The following ATP11A variants were observed in gnomAD, a reference collection of about 807,000 sequenced individuals.
ATP11A encodes ATPase phospholipid transporting 11A.
ATP11A carries 81 observed loss-of-function variants against 154.4 expected under a neutral mutation model. The observed-to-expected ratio is 0.52, with a 90% CI of 0.44 to 0.63. ATP11A has a LOEUF of 0.63. ATP11A is among the 30% of genes least tolerant of loss of function. The pLI, the probability that ATP11A is intolerant of heterozygous loss-of-function variation, is 0.00. For missense variants in ATP11A, 1,316 were observed against 1,474.3 expected, an observed-to-expected ratio of 0.89 and a Z score of 1.76; for synonymous variants, 623 against 585.9, an observed-to-expected ratio of 1.06 and a Z score of -0.91.
Position 112,859,278 on chromosome 13 carries a change from C to A in ATP11A, c.2668-115C>A. 1.2e-6 allele frequency: 1 copy of A among 821,316 alleles called. No homozygotes were observed. The highest frequency in any genetic ancestry group is 2.2e-6 in the Non-Finnish European group (1 of 462,702). The allele number at this position is 821,316 out of a possible 1,614,324, so 50.9% of individuals were successfully genotyped here. On this transcript the variant is annotated intron_variant, in intron 22 of 29. Coordinates refer to ENST00000375645, the MANE Select transcript of ATP11A (RefSeq NM_015205.3). This position sits in a 1 kb window ranked among gnomAD's most constrained non-coding sequence, Gnocchi z 4.3. ...TCTAGAACCCATTAGTGCTGTTCTG[C>A]CGCACGCTGGGTGCACGTGGATCCC...
intron 1 of ATP11A, among the ~76,000 whole-genome samples, chr13:112,760,482 TAAC>T (rs1010578368): frequency 2.0e-5 from 3 of 152,236 alleles, no homozygotes; most frequent in African/African-American, 7.2e-5. Flanking sequence ...GCTCAAATGA[TAAC>T]AACATGATTT....
intron 12 of ATP11A, among the ~76,000 whole-genome samples, chr13:112,828,396 G>A (rs1178974074): frequency 7.0e-6 from 1 of 143,140 alleles, no homozygotes; most frequent in East Asian, 2.3e-4. Flanking sequence ...GTGGTGTTGA[G>A]TAGGGGGGAA....
At position 112,826,875 on chromosome 13, in the gene ATP11A, A is replaced by T. The variant is rs757224152; in HGVS notation, c.1205A>T (p.Asn402Ile). The change falls in exon 12 of 30, where the codon AAT becomes ATT. Residue 402 changes from asparagine (N) to isoleucine (I), a missense_variant. Asn to Ile is a moderately radical substitution (Grantham distance 149, BLOSUM62 -3). This residue lies in a region of ATP11A where 876 missense variants were observed against 1,006.8 expected (regional missense o/e 0.87). Coordinates refer to ENST00000375645, the MANE Select transcript of ATP11A (RefSeq NM_015205.3). ...EGPLVNTSDL[N>I]EELGQVEYIF... ...CCTCTGGTGAACACGTCGGACCTCA[A>T]TGAAGAGCTGGGACAGGTTGGTGTC... is the stretch of plus-strand genomic sequence containing the variant. 6 of 1,614,048 alleles carry T rather than the reference A, an allele frequency of 3.7e-6. No homozygotes were observed. In the Admixed American group the frequency reaches 5.0e-5, roughly 13 times the overall value.
intron 25 of ATP11A, among the ~76,000 whole-genome samples, chr13:112,870,068 C>G (rs2080464279): frequency 6.6e-6 from 1 of 152,160 alleles, no homozygotes; most frequent in Non-Finnish European, 1.5e-5. Context: ...AGCCGAGAAC[C>G]ACAAGCATGT....
At chr13:112,852,926 C>T (rs997206553) in intron 18 of ATP11A, among the ~76,000 whole-genome samples, 12 of 151,970 alleles carry the variant, frequency 7.9e-5, no homozygotes, top group Non-Finnish European at 2.9e-5. Flanking sequence ...CGGTGGAGCA[C>T]GCTTGTAAAC....
intron 16 of ATP11A, among the ~76,000 whole-genome samples, chr13:112,837,203 C>T (rs183327493): frequency 1.3e-5 from 2 of 152,344 alleles, no homozygotes; most frequent in Non-Finnish European, 2.9e-5. Context: ...CTCTGAGGCT[C>T]TCACTCACCT....
At chr13:112,822,880 AG>A (rs2078835040) in intron 8 of ATP11A, among the ~76,000 whole-genome samples, 1 of 151,986 alleles carries the variant, frequency 6.6e-6, no homozygotes, top group Admixed American at 6.6e-5. Context: ...TTGTTAGGAG[AG>A]GGCTGCTGGG....
chr13:112,790,359 G>C (rs2077813604), intron 2 of ATP11A, among the ~76,000 whole-genome samples: 1 of 150,694 alleles, frequency 6.6e-6, no homozygotes, highest in Admixed American at 6.6e-5. Context: ...CGGGTGTCCT[G>C]CCATGTAGAC....
chr13:112,698,214 G>A (rs1395124244), intron 1 of ATP11A, among the ~76,000 whole-genome samples: 2 of 152,044 alleles, frequency 1.3e-5, no homozygotes, highest in Admixed American at 6.5e-5. Context: ...CCCGAGGACC[G>A]CTTCTGCTGG....
intron 1 of ATP11A, among the ~76,000 whole-genome samples, chr13:112,770,781 C>T (rs1297935082): frequency 1.3e-5 from 2 of 152,184 alleles, no homozygotes; most frequent in Non-Finnish European, 2.9e-5. Context: ...TGCTAGGAGG[C>T]GGCGATGGCG....
chr13:112,816,878 AATTTTC>A (rs1440374239), intron 6 of ATP11A, among the ~76,000 whole-genome samples: 1 of 152,220 alleles, frequency 6.6e-6, no homozygotes, highest in African/African-American at 2.4e-5. Flanking sequence ...GAATTTTAAG[AATTTTC>A]ATTTTATTAG....
chr13:112,852,722 G>T (rs975261226), intron 18 of ATP11A, among the ~76,000 whole-genome samples: 3 of 151,018 alleles, frequency 2.0e-5, no homozygotes, highest in African/African-American at 7.4e-5. Context: ...CCCCTGGGGC[G>T]GGGGGCAGGT....
chr13:112,860,297 A>C lies in ATP11A; in HGVS notation c.2738A>C (p.Asp913Ala), dbSNP rs1271461822. ...FCGFSQQTLY[D>A]TAYLTLYNIS... is the part of the protein sequence containing the mutation. ...ACTTTCCTCTTACAGACTTTGTACG[A>C]CACCGCGTATCTGACCCTCTACAAC... The change falls in exon 24 of 30, where the codon GAC becomes GCC. Residue 913 changes from aspartate (D) to alanine (A), a missense_variant. Asp to Ala is a moderately radical substitution (Grantham distance 126). Transcript: ENST00000375645. The C allele has an allele frequency of 6.2e-7, 1 of 1,613,984 alleles. No homozygotes were observed. The highest frequency in any genetic ancestry group is 8.5e-7 in the Non-Finnish European group (1 of 1,179,926).
chr13:112,702,110 C>T (rs1002882370), intron 1 of ATP11A, among the ~76,000 whole-genome samples: 1 of 152,024 alleles, frequency 6.6e-6, no homozygotes, highest in Non-Finnish European at 1.5e-5. Flanking sequence ...CTTTGGGAGG[C>T]CGAGGCGGGT....
chr13:112,800,954 G>A (rs1286648163), intron 2 of ATP11A, among the ~76,000 whole-genome samples: 2 of 152,208 alleles, frequency 1.3e-5, no homozygotes, highest in African/African-American at 4.8e-5. Flanking sequence ...ACCCACTCAT[G>A]TACTGCAGCA....
At chr13:112,766,089 G>A (rs1594604309) in intron 1 of ATP11A, among the ~76,000 whole-genome samples, 1 of 152,144 alleles carries the variant, frequency 6.6e-6, no homozygotes, top group Middle Eastern at 3.4e-3. Context: ...ACCTGCTTGA[G>A]GAAGGAATAG....
intron 1 of ATP11A, among the ~76,000 whole-genome samples, chr13:112,707,843 C>G (rs1452352227): frequency 6.6e-6 from 1 of 152,114 alleles, no homozygotes; most frequent in East Asian, 1.9e-4. Context: ...GCCAAACTTG[C>G]ACCAAAAAAA....
chr13:112,697,748 T>G lies in ATP11A; in HGVS notation c.39+7293T>G, dbSNP rs1487802209. 3.4e-5 allele frequency among the ~76,000 whole-genome samples: 3 copies of G among 89,060 alleles called. No individual in the cohort carries two copies. The East Asian group carries it at 1.2e-3, about 36-fold the overall frequency. 58.4% of individuals were successfully genotyped at this position (89,060 alleles called of 152,430 possible). On this transcript the variant is annotated intron_variant, in intron 1 of 29. Transcript: ENST00000375645. The surrounding 1 kb of genome is among the most constrained non-coding windows in gnomAD (Gnocchi z 4.0). The stretch of plus-strand genomic sequence containing the variant: ...GCCAGTTTTTTTTTTTTTTTTTTTT[T>G]TTTTTAGTAGAGATGGGGTTTCACC...
chr13:112,752,845 A>G (rs997530684), intron 1 of ATP11A, among the ~76,000 whole-genome samples: 22 of 152,300 alleles, frequency 1.4e-4, no homozygotes, highest in African/African-American at 5.1e-4. Context: ...ACTTTCCAGG[A>G]AAGTCAGCCA....
Sources: allele counts gnomAD v4.1 joint callset (sites outside exome capture counted in the v4.1 genomes callset), GRCh38; gene constraint gnomAD v4.1.1; regional missense constraint gnomAD v4.1.1; non-coding constraint Gnocchi (gnomAD v3.1); transcripts MANE v1.5; gene names NCBI Gene and HGNC (gene_info 2026-07-23, HGNC 2026-07-21).